The following GRIK4 variants were observed in gnomAD, a reference collection of about 807,000 sequenced individuals.
The protein encoded by GRIK4 is glutamate ionotropic receptor kainate type subunit 4.
A neutral mutation model predicts 104.9 loss-of-function variants in GRIK4; 40 were observed. The ratio of observed to expected loss-of-function variants is 0.38; its 90% CI spans 0.30 to 0.50. The LOEUF (loss-of-function observed/expected upper bound fraction) is 0.50. Among genes scored for constraint, GRIK4 ranks in the 20% least tolerant of loss-of-function variants. The pLI is 0.93. For missense variants in GRIK4, 1,047 were observed against 1,308.1 expected (o/e 0.80, Z 3.08); for synonymous variants, 485 against 524.9 (o/e 0.92, Z 1.04).
chr11:120,906,708 T>C (rs550477588), intron 13 of GRIK4, among the ~76,000 whole-genome samples: 2 of 152,348 alleles, frequency 1.3e-5, no homozygotes, highest in South Asian at 2.1e-4. Flanking sequence ...GGAAAAGTCC[T>C]ATGTAGATGA....
At position 120,511,829 on chromosome 11, in the gene GRIK4, G is replaced by C. The variant is rs1214479946; in HGVS notation, c.-217G>C. On this transcript the variant is annotated 5_prime_UTR_variant, in exon 1 of 21. Coordinates refer to ENST00000527524, the MANE Select transcript of GRIK4 (RefSeq NM_014619.5). Reference sequence around the variant, plus strand: ...AGGAAAAACGGCCAACAGCAGCCCCGCGGCCGGCCCGGCAGCGCCCGGCCC... The same window carrying C: ...AGGAAAAACGGCCAACAGCAGCCCCCCGGCCGGCCCGGCAGCGCCCGGCCC... 5.6e-6 allele frequency: 2 copies of C among 358,014 alleles called. No homozygotes were observed. Among genetic ancestry groups the C allele is most frequent in the South Asian group, 1.9e-5 (1 of 53,632 alleles). 22.2% of individuals were successfully genotyped at this position (358,014 alleles called of 1,614,324 possible). A position where few individuals can be genotyped will look rare whatever the true frequency, so the allele number is the denominator to read the frequency against.
rs1555103498 is a variant in GRIK4, at chr11:120,957,625, G to GTA, written c.1874+673_1874+674dup. ...TGTGTGTGTGTGTGTGTGTGTGTGTGTAGCCTAGAGAGGCAAGTTTGCAGA... is the reference window on the plus strand; with the variant it reads ...TGTGTGTGTGTGTGTGTGTGTGTGTGTATAGCCTAGAGAGGCAAGTTTGCAGA... On this transcript the variant is annotated intron_variant, in intron 16 of 20. Coordinates refer to ENST00000527524, the MANE Select transcript of GRIK4 (RefSeq NM_014619.5). Among the ~76,000 whole-genome samples, 166 of 144,558 alleles carry GTA rather than the reference G, an allele frequency of 1.1e-3. 4 individuals are homozygous for GTA. The highest frequency in any genetic ancestry group is 2.6e-3 in the South Asian group (11 of 4,266). The allele number at this position is 144,558 out of a possible 152,430, so 94.8% of individuals were successfully genotyped here. A position where few individuals can be genotyped will look rare whatever the true frequency, so the allele number is the denominator to read the frequency against.
intron 13 of GRIK4, among the ~76,000 whole-genome samples, chr11:120,938,442 G>A (rs562877334): frequency 6.6e-6 from 1 of 152,338 alleles, no homozygotes; most frequent in South Asian, 2.1e-4. Flanking sequence ...AAGGCTCCGA[G>A]TTTGTTAAGC....
chr11:120,615,540 G>T (rs1949100407), intron 1 of GRIK4, among the ~76,000 whole-genome samples: 1 of 152,182 alleles, frequency 6.6e-6, no homozygotes, highest in African/African-American at 2.4e-5. Flanking sequence ...CCTGGCAGCT[G>T]CCCGGGCTCT....
At chr11:120,814,980 G>T (rs1296563795) in intron 4 of GRIK4, among the ~76,000 whole-genome samples, 1 of 152,092 alleles carries the variant, frequency 6.6e-6, no homozygotes, top group Non-Finnish European at 1.5e-5. Flanking sequence ...CTTTATATTT[G>T]GGGGGACTAA....
rs565765987 is a variant in GRIK4, at chr11:120,982,203, C to T, written c.2493C>T (p.Leu831=). The T allele has an allele frequency of 6.3e-7, 1 of 1,599,614 alleles. No homozygotes were observed. Among genetic ancestry groups the T allele is most frequent in the South Asian group, 1.1e-5 (1 of 90,798 alleles). ...CTATGTTGGAGTTTTTATGGACTCT[C>T]AGACACTCAGAAGCAACTGAGGTAA... ...FMAMLEFLWT[L]RHSEATEVSV... The change falls in exon 20 of 21, where the codon CTC becomes CTT. Residue 831 remains leucine, a synonymous_variant. Transcript: ENST00000527524.
At chr11:120,776,688 C>T (rs1052256659) in intron 3 of GRIK4, among the ~76,000 whole-genome samples, 4 of 152,134 alleles carry the variant, frequency 2.6e-5, no homozygotes, top group Non-Finnish European at 4.4e-5. Flanking sequence ...AGCTGTTGGG[C>T]TGAGGCTGCA....
At chr11:120,858,552 G>A (rs908482146) in intron 8 of GRIK4, 1 of 152,120 alleles carries the variant, frequency 6.6e-6, no homozygotes, top group African/African-American at 2.4e-5. Flanking sequence ...CTTCACTGCT[G>A]GACTCTTTTC....
chr11:120,918,928 C>G lies in GRIK4; in HGVS notation c.1476+13435C>G, dbSNP rs138604243. Among the ~76,000 whole-genome samples the G allele has an allele frequency of 1.1e-3, 162 of 152,252 alleles. 1 individual carries two copies. Among genetic ancestry groups the G allele is most frequent in the Non-Finnish European group, 1.1e-3 (75 of 68,026 alleles). ...ATTTCCTCTCCACATAACAATCTTA[C>G]GTGATAAATATTATTATTCATATTT... On this transcript the variant is annotated intron_variant, in intron 13 of 20. Transcript: ENST00000527524.
At chr11:120,812,151 A>T (rs1301719261) in intron 4 of GRIK4, among the ~76,000 whole-genome samples, 1 of 152,216 alleles carries the variant, frequency 6.6e-6, no homozygotes, top group Non-Finnish European at 1.5e-5. Flanking sequence ...GCTGGCAGAG[A>T]GTGAGAAGGT....
intron 13 of GRIK4, among the ~76,000 whole-genome samples, chr11:120,925,493 G>GC (rs1943324163): frequency 6.6e-6 from 1 of 152,216 alleles, no homozygotes; most frequent in Non-Finnish European, 1.5e-5. Flanking sequence ...ATGTGGACCA[G>GC]TTAGCTTTGC....
intron 3 of GRIK4, among the ~76,000 whole-genome samples, chr11:120,763,283 T>A (rs1951779823): frequency 6.6e-6 from 1 of 152,208 alleles, no homozygotes; most frequent in Non-Finnish European, 1.5e-5. Context: ...TTGGGATCAG[T>A]GGTGATCCCC....
chr11:120,708,711 A>G (rs886773693), intron 3 of GRIK4, among the ~76,000 whole-genome samples: 1 of 152,184 alleles, frequency 6.6e-6, no homozygotes, highest in Non-Finnish European at 1.5e-5. Context: ...GCTGGGCCAG[A>G]ACGCAGTTGC....
intron 3 of GRIK4, among the ~76,000 whole-genome samples, chr11:120,698,975 C>T (rs899341175): frequency 6.6e-6 from 1 of 152,230 alleles, no homozygotes; most frequent in Non-Finnish European, 1.5e-5. Flanking sequence ...TCATCACTCT[C>T]CCTGCCATAA....
intron 3 of GRIK4, among the ~76,000 whole-genome samples, chr11:120,787,146 T>C (rs114757096): frequency 0.25 from 36,629 of 147,572 alleles, 4,978 homozygotes; most frequent in African/African-American, 0.37. Flanking sequence ...AGTAGGACTC[T>C]TTTTTTTTTT....
intron 1 of GRIK4, among the ~76,000 whole-genome samples, chr11:120,578,764 C>T (rs550883029): frequency 1.2e-4 from 18 of 152,318 alleles, no homozygotes; most frequent in African/African-American, 3.6e-4. Context: ...TCCCGGCGAA[C>T]GCCCCGCCCG....
intron 8 of GRIK4, among the ~76,000 whole-genome samples, chr11:120,851,741 G>T (rs576475422): frequency 6.6e-6 from 1 of 152,164 alleles, no homozygotes; most frequent in East Asian, 1.9e-4. Context: ...TGAGAGCCTG[G>T]TGGCCTCTGG....
chr11:120,565,688 C>T (rs1286384101), intron 1 of GRIK4, among the ~76,000 whole-genome samples: 1 of 152,140 alleles, frequency 6.6e-6, no homozygotes, highest in Non-Finnish European at 1.5e-5. Context: ...TTAATGAGAC[C>T]GGAGTAGAAA....
chr11:120,778,790 C>G (rs1404217568), intron 3 of GRIK4, among the ~76,000 whole-genome samples: 1 of 152,208 alleles, frequency 6.6e-6, no homozygotes, highest in Non-Finnish European at 1.5e-5. Flanking sequence ...TCAGCTCTTT[C>G]TGCATTCTTA....
Sources: allele counts gnomAD v4.1 joint callset (sites outside exome capture counted in the v4.1 genomes callset), GRCh38; gene constraint gnomAD v4.1.1; transcripts MANE v1.5; gene names NCBI Gene and HGNC (gene_info 2026-07-23, HGNC 2026-07-21).